Variants in IGF1R observed in about 807,000 individuals in gnomAD.
IGF1R encodes the protein insulin-like growth factor 1 receptor.
Under a neutral mutation model 144.6 loss-of-function variants are expected in IGF1R, and 44 were observed. The ratio of observed to expected loss-of-function variants is 0.30; its 90% confidence interval spans 0.24 to 0.39. The LOEUF is 0.39. IGF1R is among the 10% of genes least tolerant of loss of function. The pLI is 1.00. For synonymous variants in IGF1R, 795 were observed against 722.8 expected, an observed-to-expected ratio of 1.10 and a Z score of -1.60; for missense variants, 1,355 against 1,833.7, an observed-to-expected ratio of 0.74 and a Z score of 4.77.
At chr15:98,945,025 T>C (rs1359171124) in intron 19 of IGF1R, among the ~76,000 whole-genome samples, 1 of 152,218 alleles carries the variant, frequency 6.6e-6, no homozygotes, top group African/African-American at 2.4e-5. Context: ...CTTCCAGGAC[T>C]TCATTCCCAG....
intron 2 of IGF1R, among the ~76,000 whole-genome samples, chr15:98,844,946 C>T (rs113493146): frequency 2.6e-5 from 4 of 152,128 alleles, no homozygotes; most frequent in African/African-American, 9.6e-5. Context: ...ATTCTACAGC[C>T]AGACCTCTGA....
intron 2 of IGF1R, among the ~76,000 whole-genome samples, chr15:98,815,148 A>G (rs1256442117): frequency 6.6e-6 from 1 of 152,258 alleles, no homozygotes; most frequent in African/African-American, 2.4e-5. Flanking sequence ...TTAAAATCAT[A>G]TTCGAAATTT....
Position 98,935,489 on chromosome 15 carries a change from TCC to T in IGF1R, c.3297+65_3297+66del, listed in dbSNP as rs34673642. 9.2e-3 allele frequency: 8,420 copies of T among 911,026 alleles called. 60 individuals are homozygous for T. Among genetic ancestry groups the T allele is most frequent in the Non-Finnish European group, 0.012 (6,492 of 560,992 alleles). 56.4% of individuals were successfully genotyped at this position (911,026 alleles called of 1,614,324 possible). On this transcript the variant is annotated intron_variant, in intron 17 of 20. Transcript: ENST00000650285. This position sits in a 1 kb window ranked among gnomAD's most constrained non-coding sequence, Gnocchi z 4.2. Reference sequence around the variant, plus strand: ...GCCTGCTCTCTTTTCCTTTATAATCTCCCTGCAAGGAAATGCTGTGTCTTTAA... The same window carrying T: ...GCCTGCTCTCTTTTCCTTTATAATCTCTGCAAGGAAATGCTGTGTCTTTAA...
At chr15:98,949,379 CTTTTT>C (rs5814914) in intron 20 of IGF1R, among the ~76,000 whole-genome samples, 1 of 135,334 alleles carries the variant, frequency 7.4e-6, no homozygotes, top group Non-Finnish European at 1.6e-5. Flanking sequence ...TCTCACTGCA[CTTTTT>C]TTTTTTTTTT....
Position 98,908,794 on chromosome 15 carries a change from A to C in IGF1R, c.1357A>C (p.Lys453Gln). The C allele has an allele frequency of 6.2e-7, 1 of 1,614,154 alleles. No individual in the cohort carries two copies. Among genetic ancestry groups the C allele is most frequent in the Non-Finnish European group, 8.5e-7 (1 of 1,180,010 alleles). Residue 453 changes from lysine to glutamine, a missense_variant, in exon 6 of 21, where the codon AAA becomes CAA. Around this residue, in one of 7 missense-constraint regions of IGF1R, gnomAD observed 880 missense variants for 1,202.7 expected, o/e 0.73. Coordinates refer to ENST00000650285, the MANE Select transcript of IGF1R (RefSeq NM_000875.5). ...GAAAATGTACTTTGCTTTCAATCCC[A>C]AATTATGTGTTTCCGAAATTTACCG... ...AGKMYFAFNP[K>Q]LCVSEIYRME... is the part of the protein sequence containing the mutation.
intron 2 of IGF1R, among the ~76,000 whole-genome samples, chr15:98,782,341 T>C (rs1019405813): frequency 6.6e-6 from 1 of 152,178 alleles, no homozygotes; most frequent in Non-Finnish European, 1.5e-5. Context: ...AATCTAAATT[T>C]GTAAATTCTG....
intron 2 of IGF1R, among the ~76,000 whole-genome samples, chr15:98,758,641 T>A (rs899625105): frequency 2.0e-5 from 3 of 152,214 alleles, no homozygotes; most frequent in South Asian, 4.1e-4. Flanking sequence ...AGGGCCTTCT[T>A]CCCTGTGGAT....
At chr15:98,906,828 G>T (rs2014754880) in intron 5 of IGF1R, among the ~76,000 whole-genome samples, 1 of 152,246 alleles carries the variant, frequency 6.6e-6, no homozygotes. Context: ...AGATGGGCGT[G>T]TGAGGAGCCT....
rs1311711521 is a variant in IGF1R at position 98,959,360 on chromosome 15, T to G, written c.*1918T>G. 4.3e-6 allele frequency: 1 copy of G among 233,632 alleles called. No individual in the cohort carries two copies. Among genetic ancestry groups the G allele is most frequent in the Non-Finnish European group, 8.5e-6 (1 of 118,076 alleles). 14.5% of individuals were successfully genotyped at this position (233,632 alleles called of 1,614,324 possible). Reference sequence around the variant, plus strand: ...GAGCGTGGTCCGGCAGGGCCTGTTGTGGCCCTCGCCACCCCCCTCACCGGA... The same window carrying G: ...GAGCGTGGTCCGGCAGGGCCTGTTGGGGCCCTCGCCACCCCCCTCACCGGA... On this transcript the variant is annotated 3_prime_UTR_variant, in exon 21 of 21. Transcript: ENST00000650285.
intron 1 of IGF1R, among the ~76,000 whole-genome samples, chr15:98,684,408 G>A: frequency 6.6e-6 from 1 of 150,902 alleles, no homozygotes; most frequent in South Asian, 2.1e-4. Flanking sequence ...TAATGGGGGA[G>A]GTGGGGGGTG....
At position 98,960,828 on chromosome 15, in the gene IGF1R, C is replaced by G. The variant is rs777968449; in HGVS notation, c.*3386C>G. 1 of 233,776 alleles carries G rather than the reference C, an allele frequency of 4.3e-6. No individual in the cohort carries two copies. Among genetic ancestry groups the G allele is most frequent in the Non-Finnish European group, 8.5e-6 (1 of 118,170 alleles). 14.5% of individuals were successfully genotyped at this position (233,776 alleles called of 1,614,324 possible). A position where few individuals can be genotyped will look rare whatever the true frequency, so the allele number is the denominator to read the frequency against. ...CTCTCAACTTCTCCCTCACCTCCTT[C>G]CCTAGGGGTAGACAGAGATGTACCA... is the stretch of plus-strand genomic sequence containing the variant. On this transcript the variant is annotated 3_prime_UTR_variant, in exon 21 of 21. Transcript: ENST00000650285.
intron 2 of IGF1R, among the ~76,000 whole-genome samples, chr15:98,774,697 G>T (rs536316107): frequency 3.4e-5 from 5 of 147,636 alleles, no homozygotes; most frequent in South Asian, 2.2e-4. Context: ...GTGGGGGGGT[G>T]GGGGGTGGTT....
chr15:98,873,036 T>A (rs1263207902), intron 2 of IGF1R, among the ~76,000 whole-genome samples: 1 of 152,150 alleles, frequency 6.6e-6, no homozygotes, highest in African/African-American at 2.4e-5. Flanking sequence ...CTACCTCGCG[T>A]CATCATGTCC....
At chr15:98,860,508 A>C (rs991251097) in intron 2 of IGF1R, among the ~76,000 whole-genome samples, 1 of 152,224 alleles carries the variant, frequency 6.6e-6, no homozygotes, top group African/African-American at 2.4e-5. Flanking sequence ...TTTGTGCACT[A>C]TCATGCTGGA....
At chr15:98,901,161 A>C (rs867031067) in intron 5 of IGF1R, among the ~76,000 whole-genome samples, 1 of 152,208 alleles carries the variant, frequency 6.6e-6, no homozygotes. Context: ...AATCTTTTTA[A>C]GGTTGCGTGC....
intron 2 of IGF1R, among the ~76,000 whole-genome samples, chr15:98,802,512 A>C (rs1399036980): frequency 2.6e-5 from 4 of 152,232 alleles, no homozygotes; most frequent in African/African-American, 4.8e-5. Context: ...GAAAGGTGAC[A>C]AAAGAGATGC....
In IGF1R at chr15:98,662,353, G is replaced by A. The variant is rs138066979; in HGVS notation, c.94+12678G>A. ...ACGTCTGAGTCTCAGGTCAGTTGTT[G>A]AAACCACTAAGTAACCACCTTGCTT... is the stretch of plus-strand genomic sequence containing the variant. On this transcript the variant is annotated intron_variant, in intron 1 of 20. Transcript: ENST00000650285. 4.6e-5 allele frequency among the ~76,000 whole-genome samples: 7 copies of A among 152,188 alleles called. No individual in the cohort carries two copies. The East Asian group carries it at 9.7e-4, about 21-fold the overall frequency.
At chr15:98,913,716 C>G (rs2015121952) in intron 8 of IGF1R, among the ~76,000 whole-genome samples, 1 of 152,326 alleles carries the variant, frequency 6.6e-6, no homozygotes, top group South Asian at 2.1e-4. Flanking sequence ...AAGAGGTCAA[C>G]AAAAGTTGAA....
chr15:98,759,790 C>T (rs1282207554), intron 2 of IGF1R, among the ~76,000 whole-genome samples: 1 of 152,164 alleles, frequency 6.6e-6, no homozygotes, highest in Non-Finnish European at 1.5e-5. Flanking sequence ...GGTAAAGTGC[C>T]CGAACCTGCT....
Sources: gnomAD v4.1 joint callset for allele counts (sites outside exome capture counted in the v4.1 genomes callset) on GRCh38, gnomAD v4.1.1 for gene constraint, gnomAD v4.1.1 regional missense constraint, Gnocchi (gnomAD v3.1) non-coding constraint, MANE v1.5 for transcripts, NCBI Gene and HGNC (gene_info 2026-07-23, HGNC 2026-07-21) for gene names.